Variants in BTBD9 observed in about 807,000 individuals in gnomAD.
BTBD9 encodes the protein BTB/POZ domain-containing protein 9.
In BTBD9, 49 loss-of-function variants were observed where a neutral mutation model predicts 64.3. That is an observed-to-expected ratio of 0.76 (90% CI 0.61 to 0.97). BTBD9 has a LOEUF of 0.97. Ranked by LOEUF, BTBD9 falls within the 50% of genes least tolerant of loss-of-function variation. The pLI, the probability that BTBD9 is intolerant of heterozygous loss-of-function variation, is 0.00. For synonymous variants in BTBD9, 260 were observed against 274.7 expected (o/e 0.95, Z 0.53); for missense variants, 598 against 762.1 (o/e 0.78, Z 2.53).
At chr6:38,276,090 G>C (rs1761228344) in intron 8 of BTBD9, among the ~76,000 whole-genome samples, 2 of 152,114 alleles carry the variant, frequency 1.3e-5, no homozygotes, top group African/African-American at 4.8e-5. Flanking sequence ...CAAAGACTTG[G>C]AACCAACCCA....
intron 6 of BTBD9, among the ~76,000 whole-genome samples, chr6:38,493,306 C>T (rs1279498221): frequency 6.6e-6 from 1 of 152,212 alleles, no homozygotes; most frequent in Non-Finnish European, 1.5e-5. Context: ...GACTTATACC[C>T]AATTTCCAAG....
intron 8 of BTBD9, among the ~76,000 whole-genome samples, chr6:38,262,239 T>C (rs899003791): frequency 3.3e-5 from 5 of 152,294 alleles, no homozygotes; most frequent in African/African-American, 1.2e-4. Flanking sequence ...TCCTTAAACA[T>C]ACACAGCACA....
intron 6 of BTBD9, among the ~76,000 whole-genome samples, chr6:38,556,605 C>T (rs542596907): frequency 6.8e-6 from 1 of 147,400 alleles, no homozygotes; most frequent in Non-Finnish European, 1.5e-5. Context: ...AAAGTTATTA[C>T]TTCAGAATCC....
intron 1 of BTBD9, among the ~76,000 whole-genome samples, chr6:38,630,200 CAAA>C (rs541759836): frequency 8.4e-5 from 5 of 59,212 alleles, no homozygotes; most frequent in Admixed American, 1.7e-4. Context: ...AATTCCGTCT[CAAA>C]AAAAAAAAAA....
chr6:38,616,315 C>T (rs891115980), intron 1 of BTBD9, among the ~76,000 whole-genome samples: 1 of 152,180 alleles, frequency 6.6e-6, no homozygotes, highest in African/African-American at 2.4e-5. Context: ...AGCAGAGAAG[C>T]CAGTTGTGCC....
At position 38,219,487 on chromosome 6, in the gene BTBD9, C is replaced by A. The variant is rs1582069025; in HGVS notation, c.1563-26890G>T. On this transcript the variant is annotated intron_variant, in intron 9 of 10. Coordinates refer to ENST00000481247, the MANE Select transcript of BTBD9 (RefSeq NM_001099272.2). ...TAAATACTCTCTCTTTACTGAATCA[C>A]CCACCTAGGTTCACTTCTCCACTTT... Among the ~76,000 whole-genome samples, 3 of 152,088 alleles carry A rather than the reference C, an allele frequency of 2.0e-5. No individual in the cohort carries two copies. The South Asian group carries it at 6.2e-4, about 32-fold the overall frequency.
At chr6:38,532,857 C>T (rs1348174954) in intron 6 of BTBD9, among the ~76,000 whole-genome samples, 1 of 151,678 alleles carries the variant, frequency 6.6e-6, no homozygotes. Context: ...GGAGAGACTC[C>T]TTCTGCTTGA....
chr6:38,373,014 T>C (rs921191080), intron 6 of BTBD9, among the ~76,000 whole-genome samples: 3 of 152,186 alleles, frequency 2.0e-5, no homozygotes, highest in African/African-American at 7.2e-5. Flanking sequence ...GGTCCTTTTA[T>C]TGGTTTTTCT....
chr6:38,311,030 C>T (rs1440599397), intron 7 of BTBD9, among the ~76,000 whole-genome samples: 1 of 152,106 alleles, frequency 6.6e-6, no homozygotes, highest in Non-Finnish European at 1.5e-5. Context: ...AGGCTGGTCT[C>T]GAACTGCTGA....
At chr6:38,547,380 T>C (rs1450993522) in intron 6 of BTBD9, among the ~76,000 whole-genome samples, 1 of 152,118 alleles carries the variant, frequency 6.6e-6, no homozygotes, top group Non-Finnish European at 1.5e-5. Flanking sequence ...CAGTGAGCCA[T>C]GATCATGATG....
intron 1 of BTBD9, among the ~76,000 whole-genome samples, chr6:38,630,666 A>C (rs998489976): frequency 2.6e-5 from 4 of 152,260 alleles, no homozygotes; most frequent in African/African-American, 9.6e-5. Context: ...AGAGTTAAGC[A>C]GGTAATTTAT....
intron 9 of BTBD9, among the ~76,000 whole-genome samples, chr6:38,209,584 C>G (rs1189920341): frequency 6.6e-6 from 1 of 152,186 alleles, no homozygotes; most frequent in East Asian, 1.9e-4. Flanking sequence ...AGACCACAGC[C>G]CACACCAATT....
chr6:38,531,477 T>A (rs889403482), intron 6 of BTBD9, among the ~76,000 whole-genome samples: 2 of 152,156 alleles, frequency 1.3e-5, no homozygotes, highest in African/African-American at 4.8e-5. Context: ...AGGATGTTAA[T>A]GAGCAATAAG....
chr6:38,442,091 A>C (rs533179115), intron 6 of BTBD9, among the ~76,000 whole-genome samples: 79 of 152,228 alleles, frequency 5.2e-4, no homozygotes, highest in African/African-American at 1.4e-3. Context: ...AATACATATA[A>C]CAAAATCACA....
intron 9 of BTBD9, among the ~76,000 whole-genome samples, chr6:38,219,164 C>G (rs1265617963): frequency 1.8e-5 from 2 of 110,814 alleles, no homozygotes; most frequent in African/African-American, 7.3e-5. Flanking sequence ...GAGACCGAGT[C>G]TTGCTCTGTT....
chr6:38,443,683 T>C lies in BTBD9; in HGVS notation c.1155-98590A>G, dbSNP rs560333473. Among the ~76,000 whole-genome samples the C allele has an allele frequency of 2.6e-5, 4 of 152,206 alleles. No homozygotes were observed. In the South Asian group the frequency reaches 8.3e-4, roughly 31 times the overall value. On this transcript the variant is annotated intron_variant, in intron 6 of 10. Coordinates refer to ENST00000481247, the MANE Select transcript of BTBD9 (RefSeq NM_001099272.2). The stretch of plus-strand genomic sequence containing the variant: ...CACTCATTTCCACCTCTTACCCACA[T>C]GCACACATCCAATTAATCGCCAAGT...
intron 6 of BTBD9, among the ~76,000 whole-genome samples, chr6:38,372,681 AATGGCTGTTCAG>A (rs1765474279): frequency 6.6e-6 from 1 of 152,164 alleles, no homozygotes; most frequent in Non-Finnish European, 1.5e-5. Context: ...AAGGTCCTAG[AATGGCTGTTCAG>A]ACCTCCTGAC....
At chr6:38,614,642 A>G (rs1005427807) in intron 1 of BTBD9, among the ~76,000 whole-genome samples, 21 of 152,230 alleles carry the variant, frequency 1.4e-4, no homozygotes, top group African/African-American at 4.8e-4. Context: ...CGGCTGTGGA[A>G]GCCAGAAAGA....
intron 1 of BTBD9, among the ~76,000 whole-genome samples, chr6:38,631,553 G>A (rs764731326): frequency 6.6e-5 from 10 of 152,198 alleles, no homozygotes; most frequent in Non-Finnish European, 1.5e-4. Flanking sequence ...TGCTCTGGAT[G>A]AAGCTAGCTG....
Sources: gnomAD v4.1 joint callset for allele counts (sites outside exome capture counted in the v4.1 genomes callset) on GRCh38, gnomAD v4.1.1 for gene constraint, MANE v1.5 for transcripts, NCBI Gene and HGNC (gene_info 2026-07-23, HGNC 2026-07-21) for gene names.